Variants in DDX5 observed in about 807,000 individuals in gnomAD.
DDX5 encodes probable ATP-dependent RNA helicase DDX5.
DDX5 carries 6 observed loss-of-function variants against 68.6 expected under a neutral mutation model. The ratio of observed to expected loss-of-function variants is 0.09; its 90% CI spans 0.05 to 0.17. DDX5 has a LOEUF of 0.17. Among genes scored for constraint, DDX5 ranks in the 10% least tolerant of loss-of-function variants. The probability of loss-of-function intolerance (pLI) is 1.00; values close to 1 mark genes in which losing one functional copy is unlikely to be tolerated. For synonymous variants in DDX5, 350 were observed against 247.0 expected, an observed-to-expected ratio of 1.42 and a Z score of -3.91; for missense variants, 499 against 756.1, an observed-to-expected ratio of 0.66 and a Z score of 3.99.
In DDX5 at chr17:64,499,864, T is replaced by A; in HGVS notation, c.*59A>T. 2.1e-6 allele frequency: 3 copies of A among 1,443,976 alleles called. No homozygotes were observed. The highest frequency in any genetic ancestry group is 2.8e-6 in the Non-Finnish European group (3 of 1,080,626). 89.4% of individuals were successfully genotyped at this position (1,443,976 alleles called of 1,614,324 possible). ...TTTCTTAAATAACTATCTTGTCAGA[T>A]AACACACAATATAAAGAGCAATTAT... On this transcript the variant is annotated 3_prime_UTR_variant, in exon 13 of 13. Coordinates refer to ENST00000225792, the MANE Select transcript of DDX5 (RefSeq NM_004396.5).
upstream of DDX5, chr17:64,506,453 T>A (rs1463445557): frequency 7.8e-7 from 1 of 1,282,860 alleles, no homozygotes; most frequent in Admixed American, 3.1e-5. Flanking sequence ...CCCGCGCCAC[T>A]CTCTCAGGTC....
Position 64,501,825 on chromosome 17 carries a change from T to C in DDX5, c.1216+185A>G. ...TAATCGACTGGAAGCAGCCAGCCGATCACTAGTCCTCCATCCCCCTCGAGT... is the reference window on the plus strand; with the variant it reads ...TAATCGACTGGAAGCAGCCAGCCGACCACTAGTCCTCCATCCCCCTCGAGT... On this transcript the variant is annotated intron_variant, in intron 11 of 12. Coordinates refer to ENST00000225792, the MANE Select transcript of DDX5 (RefSeq NM_004396.5). The C allele has an allele frequency of 4.9e-6, 3 of 616,132 alleles. No homozygotes were observed. The South Asian group carries it at 6.1e-5, about 13-fold the overall frequency. The allele number at this position is 616,132 out of a possible 1,614,324, so 38.2% of individuals were successfully genotyped here. A position where few individuals can be genotyped will look rare whatever the true frequency, so the allele number is the denominator to read the frequency against.
chr17:64,498,641 A>T lies in DDX5; in HGVS notation c.*1282T>A, dbSNP rs1420408668. Reference sequence around the variant, plus strand: ...TTGACATAAGGCATTAACATCAATTAAAGCCTCAGTTTAATAATCAGAATT... The same window carrying T: ...TTGACATAAGGCATTAACATCAATTTAAGCCTCAGTTTAATAATCAGAATT... On this transcript the variant is annotated 3_prime_UTR_variant, in exon 13 of 13. Transcript: ENST00000225792. 6.6e-6 allele frequency among the ~76,000 whole-genome samples: 1 copy of T among 152,220 alleles called. No individual in the cohort carries two copies. The highest frequency in any genetic ancestry group is 1.5e-5 in the Non-Finnish European group (1 of 68,040).
In DDX5 at chr17:64,502,541, C is replaced by T. The variant is rs781795658; in HGVS notation, c.992G>A (p.Arg331His). Reference protein sequence around the residue: ...HDVEKDEKLIRLMEEIMSEKE... With the variant: ...HDVEKDEKLIHLMEEIMSEKE... ...CTCACTCATGATCTCTTCCATTAGA[C>T]GAATAAGTCTAATAATAGGAGAGAG... is the stretch of plus-strand genomic sequence containing the variant. Residue 331 changes from arginine to histidine, a missense_variant, in exon 9 of 13, where the codon CGT (arginine) becomes CAT (histidine). By Grantham distance (29) the Arg-to-His change is conservative (BLOSUM62 0). Coordinates refer to ENST00000225792, the MANE Select transcript of DDX5 (RefSeq NM_004396.5). The T allele has an allele frequency of 5.2e-5, 84 of 1,608,020 alleles. No homozygotes were observed. The highest frequency in any genetic ancestry group is 7.1e-5 in the Non-Finnish European group (84 of 1,175,368).
intron 5 of DDX5, 68 bp from the exon 6 acceptor site, chr17:64,503,639 T>C (rs933432269): frequency 3.2e-6 from 5 of 1,586,680 alleles, no homozygotes; most frequent in African/African-American, 2.7e-5. Context: ...CTTATTATAC[T>C]AGCAGATCCT....
intron 2 of DDX5, 34 bp from the exon 3 acceptor site, chr17:64,504,352 T>C (rs1356300604): frequency 2.6e-6 from 4 of 1,557,354 alleles, no homozygotes; most frequent in African/African-American, 2.7e-5. Flanking sequence ...TTAAAATTCA[T>C]GACAACCACC....
In DDX5 at chr17:64,506,067, C is replaced by G. The variant is rs2038501769; in HGVS notation, c.44+9G>C. On this transcript the variant is annotated intron_variant, in intron 1 of 12. Coordinates refer to ENST00000225792, the MANE Select transcript of DDX5 (RefSeq NM_004396.5). ...CCGCCAGGCCTGACAGCTCGGCTCC[C>G]AAACTCACCCTCGGTCCCGGCCGCG... 6.3e-7 allele frequency: 1 copy of G among 1,599,330 alleles called. No individual in the cohort carries two copies.
chr17:64,505,494 G>A, intron 1 of DDX5: 1 of 578,142 alleles, frequency 1.7e-6, no homozygotes, highest in East Asian at 2.8e-5. Context: ...CCGCTGGGGC[G>A]GCGCTTCCCC....
rs549221594 is a variant in DDX5, at chr17:64,498,468, G to A, written c.*1455C>T. Among the ~76,000 whole-genome samples the A allele has an allele frequency of 5.9e-5, 9 of 152,258 alleles. No individual in the cohort carries two copies. The South Asian group carries it at 6.2e-4, about 11-fold the overall frequency. On this transcript the variant is annotated 3_prime_UTR_variant, in exon 13 of 13. Transcript: ENST00000225792. Reference sequence around the variant, plus strand: ...AATGCTCCAACCTACCCTCTCCCCCGAAAGCTGCTTCTAAGTTTAAAACCA... The same window carrying A: ...AATGCTCCAACCTACCCTCTCCCCCAAAAGCTGCTTCTAAGTTTAAAACCA...
chr17:64,504,928 A>T (rs2038394521), intron 1 of DDX5, 86 bp from the exon 2 acceptor site: 5 of 1,294,432 alleles, frequency 3.9e-6, no homozygotes, highest in Admixed American at 2.6e-5. Context: ...GCACAAGCTA[A>T]AAACCACTGA....
rs368019038 is a variant in DDX5, at chr17:64,500,146, G to A, written c.1622C>T (p.Thr541Ile). The A allele has an allele frequency of 1.2e-5, 19 of 1,614,038 alleles. No homozygotes were observed. The highest frequency in any genetic ancestry group is 1.3e-5 in the African/African-American group (1 of 74,892). The change falls in exon 13 of 13, where the codon ACC becomes ATC. Residue 541 changes from threonine to isoleucine, a missense_variant. This residue lies in a region of DDX5 where 171 missense variants were observed against 174.8 expected (regional missense o/e 0.98). Transcript: ENST00000225792. ...QNGVYSAANY[T>I]NGSFGSNFVS... is the part of the protein sequence containing the mutation. ...AAAATTACTTCCAAAGCTCCCATTGGTGTAATTTGCAGCACTGTAAACACC... is the reference window on the plus strand; with the variant it reads ...AAAATTACTTCCAAAGCTCCCATTGATGTAATTTGCAGCACTGTAAACACC...
Position 64,504,717 on chromosome 17 carries a change from T to C in DDX5, c.170A>G (p.Asn57Ser). 2 of 1,613,772 alleles carry C rather than the reference T, an allele frequency of 1.2e-6. No individual in the cohort carries two copies. Among genetic ancestry groups the C allele is most frequent in the African/African-American group, 1.3e-5 (1 of 74,996 alleles). ...CAAATCAGGGTGCTCTTGATAAAAATTCTTCTCAAATTTAGGCAGCTCATC... is the reference window on the plus strand; with the variant it reads ...CAAATCAGGGTGCTCTTGATAAAAACTCTTCTCAAATTTAGGCAGCTCATC... ...NLDELPKFEK[N>S]FYQEHPDLAR... The change falls in exon 2 of 13, where the codon AAT becomes AGT. Residue 57 changes from asparagine to serine, a missense_variant. By Grantham distance (46) the Asn-to-Ser change is conservative. This residue lies in a region of DDX5 where 140 missense variants were observed against 135.7 expected (regional missense o/e 1.03). Transcript: ENST00000225792.
chr17:64,502,632 T>G (rs1555671334), intron 8 of DDX5, 83 bp from the exon 9 acceptor site: 1 of 1,017,440 alleles, frequency 9.8e-7, no homozygotes, highest in East Asian at 2.4e-5. Flanking sequence ...AGCAAAACAT[T>G]AAGTTCAATT....
At chr17:64,505,762 C>T (rs782179305) in intron 1 of DDX5, 1 of 1,536,182 alleles carries the variant, frequency 6.5e-7, no homozygotes, top group Non-Finnish European at 8.7e-7. Context: ...GATGTTCCTT[C>T]GTCTGCCTCG....
In DDX5 at chr17:64,499,062, A is replaced by G. The variant is rs573670680; in HGVS notation, c.*861T>C. On this transcript the variant is annotated 3_prime_UTR_variant, in exon 13 of 13. Transcript: ENST00000225792. ...CTGTGAAGACTAGAATCTACAAGTA[A>G]CCTGCACTAAGAACGAAATTCAGTA... Among the ~76,000 whole-genome samples the G allele has an allele frequency of 7.8e-4, 119 of 152,296 alleles. 2 individuals are homozygous for G. The highest frequency in any genetic ancestry group is 2.8e-3 in the African/African-American group (117 of 41,544).
Position 64,499,354 on chromosome 17 carries a change from C to A in DDX5, c.*569G>T, listed in dbSNP as rs2038236240. Among the ~76,000 whole-genome samples the A allele has an allele frequency of 1.3e-5, 2 of 152,076 alleles. No individual in the cohort carries two copies. ...GGAAAAAGGCTATTAAATGACTCCC[C>A]TGATGCTGGAAGCTGACAAAGCTTT... is the stretch of plus-strand genomic sequence containing the variant. On this transcript the variant is annotated 3_prime_UTR_variant, in exon 13 of 13. Transcript: ENST00000225792.
intron 1 of DDX5, chr17:64,505,371 A>G: frequency 4.6e-6 from 2 of 433,898 alleles, no homozygotes; most frequent in South Asian, 5.6e-5. Flanking sequence ...ACGCCGCGGT[A>G]GAGCTCCGGA....
chr17:64,502,687 T>G, intron 8 of DDX5, 138 bp from the exon 9 acceptor site: 1 of 730,834 alleles, frequency 1.4e-6, no homozygotes, highest in Non-Finnish European at 2.2e-6. Context: ...AATCCACTTA[T>G]CGAGCAGTTC....
upstream of DDX5, chr17:64,506,859 G>A (rs950934570): frequency 5.5e-5 from 34 of 619,530 alleles, no homozygotes; most frequent in African/African-American, 6.3e-4. Context: ...GGTCGGCGGA[G>A]AATGGTCTCT....
Sources: allele counts gnomAD v4.1 joint callset (sites outside exome capture counted in the v4.1 genomes callset), GRCh38; gene constraint gnomAD v4.1.1; regional missense constraint gnomAD v4.1.1; transcripts MANE v1.5; gene names NCBI Gene and HGNC (gene_info 2026-07-23, HGNC 2026-07-21).